The following CLDN10 variants were observed in gnomAD, a reference collection of about 807,000 sequenced individuals.
CLDN10 encodes the protein claudin 10.
Under a neutral mutation model 22.9 loss-of-function variants are expected in CLDN10, and 15 were observed. The ratio of observed to expected loss-of-function variants is 0.65; its 90% CI spans 0.44 to 1.01. The LOEUF (loss-of-function observed/expected upper bound fraction) is 1.01, where lower values mean the gene tolerates loss of function less well. Among genes scored for constraint, CLDN10 ranks in the 50% least tolerant of loss-of-function variants. The pLI, the probability that CLDN10 is intolerant of heterozygous loss-of-function variation, is 0.00. For missense variants in CLDN10, 247 were observed against 287.8 expected, an observed-to-expected ratio of 0.86 and a Z score of 1.03; for synonymous variants, 114 against 111.4, an observed-to-expected ratio of 1.02 and a Z score of -0.15.
intron 1 of CLDN10, among the ~76,000 whole-genome samples, chr13:95,501,274 G>A (rs1216342914): frequency 6.6e-6 from 1 of 152,014 alleles, no homozygotes; most frequent in African/African-American, 2.4e-5. Flanking sequence ...TTGGCCTCCT[G>A]AAGTGCTGGG....
At chr13:95,483,075 T>C (rs922422290) in intron 1 of CLDN10, among the ~76,000 whole-genome samples, 20 of 152,238 alleles carry the variant, frequency 1.3e-4, no homozygotes, top group African/African-American at 4.8e-4. Context: ...CCATCGTTCT[T>C]GGGAGAAAGT....
At chr13:95,501,696 A>T (rs1293520519) in intron 1 of CLDN10, among the ~76,000 whole-genome samples, 1 of 152,072 alleles carries the variant, frequency 6.6e-6, no homozygotes, top group Non-Finnish European at 1.5e-5. Context: ...AACAGCTTAT[A>T]ATTGGGTCTT....
At chr13:95,546,536 C>T (rs2043511337) in intron 1 of CLDN10, among the ~76,000 whole-genome samples, 1 of 152,144 alleles carries the variant, frequency 6.6e-6, no homozygotes, top group African/African-American at 2.4e-5. Context: ...GAAGCACTAG[C>T]TTATAGGTAT....
At chr13:95,566,271 A>G (rs2043786770) in intron 3 of CLDN10, among the ~76,000 whole-genome samples, 1 of 152,120 alleles carries the variant, frequency 6.6e-6, no homozygotes, top group African/African-American at 2.4e-5. Context: ...ATTTCTCCAC[A>G]TCCTCCCCAG....
At chr13:95,501,911 T>G (rs947546699) in intron 1 of CLDN10, among the ~76,000 whole-genome samples, 3 of 152,246 alleles carry the variant, frequency 2.0e-5, no homozygotes, top group African/African-American at 7.2e-5. Flanking sequence ...TAATATTTCA[T>G]TCTATCTCCT....
At chr13:95,460,633 G>C (rs2042527260) in intron 1 of CLDN10, among the ~76,000 whole-genome samples, 1 of 152,178 alleles carries the variant, frequency 6.6e-6, no homozygotes, top group South Asian at 2.1e-4. Flanking sequence ...CGTGACATGT[G>C]AAGATTTTAC....
intron 1 of CLDN10, among the ~76,000 whole-genome samples, chr13:95,454,145 T>C (rs946068061): frequency 2.0e-5 from 3 of 150,260 alleles, no homozygotes; most frequent in African/African-American, 7.4e-5. Flanking sequence ...CCCCAGCCAT[T>C]GAAAGAAGGC....
chr13:95,471,892 A>G (rs1391004792), intron 1 of CLDN10, among the ~76,000 whole-genome samples: 1 of 149,924 alleles, frequency 6.7e-6, no homozygotes, highest in Non-Finnish European at 1.5e-5. Flanking sequence ...TTCCCGCCTC[A>G]GCCTCCCAAG....
chr13:95,493,527 T>G (rs2042897656), intron 1 of CLDN10, among the ~76,000 whole-genome samples: 1 of 150,632 alleles, frequency 6.6e-6, no homozygotes, highest in Admixed American at 6.6e-5. Context: ...AATCTGACAC[T>G]CTAGATACCC....
At chr13:95,521,749 T>C (rs1366367997) in intron 1 of CLDN10, among the ~76,000 whole-genome samples, 2 of 152,136 alleles carry the variant, frequency 1.3e-5, no homozygotes, top group African/African-American at 4.8e-5. Flanking sequence ...TTTAAATATT[T>C]GGTAGTTCTT....
At chr13:95,540,301 A>AAAATAAATAAATAAAT (rs57019843) in intron 1 of CLDN10, among the ~76,000 whole-genome samples, 13 of 142,830 alleles carry the variant, frequency 9.1e-5, no homozygotes, top group East Asian at 6.3e-4. Flanking sequence ...CTCTGTCTCA[A>AAAATAAATAAATAAAT]AAATAAATAA....
Position 95,477,914 on chromosome 13 carries a change from A to G in CLDN10, c.214+43867A>G, listed in dbSNP as rs185731441. 5.3e-5 allele frequency among the ~76,000 whole-genome samples: 8 copies of G among 152,310 alleles called. No homozygotes were observed. In the East Asian group the frequency reaches 1.5e-3, roughly 29 times the overall value. On this transcript the variant is annotated intron_variant, in intron 1 of 4. Transcript: ENST00000376873. ...AGGCTTCTTGGAGGAGTCCTCTAAC[A>G]ATGAAAGCCAGCTTTCATGTGAAAA...
rs950037266 is a variant in CLDN10 at position 95,468,850 on chromosome 13, T to A, written c.214+34803T>A. Among the ~76,000 whole-genome samples the A allele has an allele frequency of 2.0e-5, 3 of 152,282 alleles. No individual in the cohort carries two copies. In the East Asian group the frequency reaches 5.8e-4, roughly 29 times the overall value. The stretch of plus-strand genomic sequence containing the variant: ...ATAGTGTATTTTACCATAAAACACA[T>A]CATGTGTTCTTATTAATATTTCCAA... On this transcript the variant is annotated intron_variant, in intron 1 of 4. Transcript: ENST00000376873.
chr13:95,573,805 C>A (rs1233678016), intron 3 of CLDN10, among the ~76,000 whole-genome samples: 8 of 151,438 alleles, frequency 5.3e-5, no homozygotes, highest in Non-Finnish European at 1.0e-4. Flanking sequence ...TTACATGTGC[C>A]ATGTTGGTTT....
intron 1 of CLDN10, among the ~76,000 whole-genome samples, chr13:95,531,309 A>G (rs1052508441): frequency 9.9e-5 from 15 of 152,206 alleles, no homozygotes; most frequent in African/African-American, 3.6e-4. Flanking sequence ...TTTCAAGGCC[A>G]ACTTAATTTT....
chr13:95,546,466 G>T (rs1459854619), intron 1 of CLDN10, among the ~76,000 whole-genome samples: 2 of 151,972 alleles, frequency 1.3e-5, no homozygotes, highest in Non-Finnish European at 2.9e-5. Flanking sequence ...ACCAAGATCA[G>T]TGTTTATTAG....
chr13:95,540,396 A>G (rs1228019072), intron 1 of CLDN10, among the ~76,000 whole-genome samples: 1 of 152,058 alleles, frequency 6.6e-6, no homozygotes, highest in African/African-American at 2.4e-5. Flanking sequence ...GTGGGGGCTG[A>G]GGCAAGAGAA....
chr13:95,460,011 C>G (rs1301043878), intron 1 of CLDN10, among the ~76,000 whole-genome samples: 2 of 152,216 alleles, frequency 1.3e-5, no homozygotes, highest in Non-Finnish European at 2.9e-5. Context: ...TCATCTCTCT[C>G]AAGTTCAAAT....
At chr13:95,536,325 T>G (rs961319823) in intron 1 of CLDN10, among the ~76,000 whole-genome samples, 1 of 152,112 alleles carries the variant, frequency 6.6e-6, no homozygotes, top group Non-Finnish European at 1.5e-5. Flanking sequence ...GACATACACC[T>G]GCAATCCCAG....
Sources: gnomAD v4.1 joint callset for allele counts (sites outside exome capture counted in the v4.1 genomes callset) on GRCh38, gnomAD v4.1.1 for gene constraint, MANE v1.5 for transcripts, NCBI Gene and HGNC (gene_info 2026-07-23, HGNC 2026-07-21) for gene names.